The following ZNF521 variants were observed in gnomAD, a reference collection of about 807,000 sequenced individuals.
ZNF521 encodes the protein zinc finger protein 521, also known as LYST-interacting protein 3.
ZNF521 carries 14 observed loss-of-function variants against 105.5 expected under a neutral mutation model. The observed-to-expected ratio is 0.13, with a 90% CI of 0.09 to 0.21. ZNF521 has a LOEUF of 0.21. Among genes scored for constraint, ZNF521 ranks in the 10% least tolerant of loss-of-function variants. ZNF521 has a pLI of 1.00. For synonymous variants in ZNF521, 635 were observed against 606.0 expected (o/e 1.05, Z -0.70); for missense variants, 1,233 against 1,629.7 (o/e 0.76, Z 4.19).
chr18:25,217,374 T>C (rs1905394880), intron 4 of ZNF521, among the ~76,000 whole-genome samples: 2 of 152,196 alleles, frequency 1.3e-5, no homozygotes, highest in African/African-American at 2.4e-5. Context: ...ATCAACAGCA[T>C]TCATTGATGG....
intron 3 of ZNF521, among the ~76,000 whole-genome samples, chr18:25,261,130 G>A (rs1908879886): frequency 6.6e-6 from 1 of 152,108 alleles, no homozygotes; most frequent in Non-Finnish European, 1.5e-5. Flanking sequence ...GGGAATTCAT[G>A]TCCAGAGTCC....
intron 5 of ZNF521, among the ~76,000 whole-genome samples, chr18:25,131,891 T>C (rs949480257): frequency 1.3e-5 from 2 of 152,222 alleles, no homozygotes; most frequent in African/African-American, 4.8e-5. Context: ...AACTTCTTGT[T>C]GACATCACCA....
chr18:25,351,892 A>AGCGGCGGCAGCAGCGGCGGCAGCG (rs1914805277), intron 1 of ZNF521, 113 bp downstream of exon 1: 1 of 275,490 alleles, frequency 3.6e-6, no homozygotes, highest in Non-Finnish European at 7.3e-6. Context: ...CGGCGGCAGC[A>AGCGGCGGCAGCAGCGGCGGCAGCG]GCGGCGGCAG....
chr18:25,089,833 T>A (rs143877820), intron 6 of ZNF521, among the ~76,000 whole-genome samples: 1 of 152,110 alleles, frequency 6.6e-6, no homozygotes, highest in South Asian at 2.1e-4. Context: ...CTGCTCCCTA[T>A]AAATCTTTAA....
intron 5 of ZNF521, among the ~76,000 whole-genome samples, chr18:25,191,724 A>T (rs1278044335): frequency 6.6e-6 from 1 of 152,186 alleles, no homozygotes; most frequent in African/African-American, 2.4e-5. Context: ...TATTCAGAGC[A>T]CTTACAAATT....
chr18:25,248,761 G>A (rs1907908725), intron 3 of ZNF521, among the ~76,000 whole-genome samples: 1 of 152,130 alleles, frequency 6.6e-6, no homozygotes, highest in Non-Finnish European at 1.5e-5. Flanking sequence ...ACAACTACAA[G>A]TGCGCACTTA....
intron 4 of ZNF521, among the ~76,000 whole-genome samples, chr18:25,219,681 G>A (rs1003758752): frequency 5.9e-5 from 9 of 152,076 alleles, no homozygotes; most frequent in Non-Finnish European, 1.5e-5. Flanking sequence ...GCCAGGCATG[G>A]TGGCATGAGC....
At chr18:25,251,892 G>A (rs933162739) in intron 3 of ZNF521, among the ~76,000 whole-genome samples, 2 of 152,096 alleles carry the variant, frequency 1.3e-5, no homozygotes, top group African/African-American at 4.8e-5. Context: ...TAGTTCAATG[G>A]GAGTTTACCA....
chr18:25,299,912 G>T (rs1411113877), intron 3 of ZNF521, among the ~76,000 whole-genome samples: 1 of 152,160 alleles, frequency 6.6e-6, no homozygotes, highest in African/African-American at 2.4e-5. Context: ...GCCATCCCAC[G>T]TGCTCCTCTG....
chr18:25,148,659 A>C (rs1014996428), intron 5 of ZNF521, among the ~76,000 whole-genome samples: 5 of 152,160 alleles, frequency 3.3e-5, no homozygotes, highest in African/African-American at 1.2e-4. Flanking sequence ...ACCTGCTGCA[A>C]AACTGTAAGA....
chr18:25,250,204 T>C (rs1908018555), intron 3 of ZNF521, among the ~76,000 whole-genome samples: 1 of 152,214 alleles, frequency 6.6e-6, no homozygotes, highest in African/African-American at 2.4e-5. Context: ...TGTAAAATCA[T>C]TTTTCATTTG....
At chr18:25,240,113 T>C (rs1446191301) in intron 3 of ZNF521, among the ~76,000 whole-genome samples, 1 of 152,206 alleles carries the variant, frequency 6.6e-6, no homozygotes, top group African/African-American at 2.4e-5. Context: ...TAACCTCTTC[T>C]GCACTCCGTT....
Position 25,226,114 on chromosome 18 carries a change from T to C in ZNF521, c.1804A>G (p.Arg602Gly). The change falls in exon 4 of 8, where the codon AGG becomes GGG. Residue 602 changes from arginine (R) to glycine (G), a missense_variant. This residue lies in a region of ZNF521 where 614 missense variants were observed against 751.5 expected (regional missense o/e 0.82). Transcript: ENST00000361524. The surrounding 1 kb of genome is among the most constrained non-coding windows in gnomAD (Gnocchi z 4.1). ...ACAGGAGATAGGGGGCTTAAGGCCC[T>C]GGATTTCTTCCCATTGTGGATATAA... The part of the protein sequence containing the change: ...LNYIHNGKKS[R>G]ALSPLSPVAI... The C allele has an allele frequency of 3.1e-6, 5 of 1,614,216 alleles. No homozygotes were observed. Among genetic ancestry groups the C allele is most frequent in the Non-Finnish European group, 4.2e-6 (5 of 1,180,030 alleles).
chr18:25,313,982 G>A (rs957128949), intron 3 of ZNF521, among the ~76,000 whole-genome samples: 2 of 152,150 alleles, frequency 1.3e-5, no homozygotes, highest in Admixed American at 6.5e-5. Flanking sequence ...AAAACTTATA[G>A]TGCCTTAAGC....
At chr18:25,324,868 C>G (rs1913128147) in intron 2 of ZNF521, among the ~76,000 whole-genome samples, 2 of 152,248 alleles carry the variant, frequency 1.3e-5, no homozygotes, top group South Asian at 4.2e-4. Flanking sequence ...GCTGAAGAAC[C>G]GACCCCAGTC....
intron 2 of ZNF521, among the ~76,000 whole-genome samples, chr18:25,348,436 C>T (rs904330114): frequency 1.3e-5 from 2 of 152,142 alleles, no homozygotes; most frequent in African/African-American, 4.8e-5. Context: ...TTTGGTATAG[C>T]TCATCTACAT....
intron 5 of ZNF521, among the ~76,000 whole-genome samples, chr18:25,182,623 G>A (rs1352488518): frequency 2.6e-5 from 4 of 152,076 alleles, no homozygotes; most frequent in Non-Finnish European, 4.4e-5. Context: ...AAAACAAAAT[G>A]TACTTCCACT....
Position 25,262,144 on chromosome 18 carries a change from T to A in ZNF521, c.221-34447A>T, listed in dbSNP as rs866404819. Among the ~76,000 whole-genome samples the A allele has an allele frequency of 5.3e-4, 81 of 152,174 alleles. 2 individuals carry two copies. The highest frequency in any genetic ancestry group is 1.8e-3 in the African/African-American group (73 of 41,442). On this transcript the variant is annotated intron_variant, in intron 3 of 7. Transcript: ENST00000361524. ...CCTTTATCACTTATGTCTTATGTCATCTTTCTTTACACTCATACCATGGGA... is the reference window on the plus strand; with the variant it reads ...CCTTTATCACTTATGTCTTATGTCAACTTTCTTTACACTCATACCATGGGA...
At chr18:25,246,393 A>G (rs934261978) in intron 3 of ZNF521, among the ~76,000 whole-genome samples, 9 of 152,226 alleles carry the variant, frequency 5.9e-5, no homozygotes, top group African/African-American at 1.9e-4. Flanking sequence ...ACCACAATCA[A>G]TTGTAGGGAT....
Sources: gnomAD v4.1 joint callset for allele counts (sites outside exome capture counted in the v4.1 genomes callset) on GRCh38, gnomAD v4.1.1 for gene constraint, gnomAD v4.1.1 regional missense constraint, Gnocchi (gnomAD v3.1) non-coding constraint, MANE v1.5 for transcripts, NCBI Gene and HGNC (gene_info 2026-07-23, HGNC 2026-07-21) for gene names.